MYO1E: variants seen among roughly 807,000 people sequenced by gnomAD.
MYO1E encodes the protein myosin IE.
Under a neutral mutation model 151.1 loss-of-function variants are expected in MYO1E, and 68 were observed. The observed-to-expected ratio is 0.45, with a 90% CI of 0.37 to 0.55. MYO1E has a LOEUF of 0.55. MYO1E is among the 20% of genes least tolerant of loss of function. The pLI is 0.00. For missense variants in MYO1E, 1,363 were observed against 1,389.3 expected (o/e 0.98, Z 0.30); for synonymous variants, 601 against 501.7 (o/e 1.20, Z -2.64).
chr15:59,356,525 G>A (rs983775048), intron 1 of MYO1E, among the ~76,000 whole-genome samples: 1 of 152,130 alleles, frequency 6.6e-6, no homozygotes, highest in South Asian at 2.1e-4. Context: ...AAAGACCTGG[G>A]GGTAGTTTTA....
chr15:59,275,230 C>A (rs963026831), intron 1 of MYO1E, among the ~76,000 whole-genome samples: 2 of 152,224 alleles, frequency 1.3e-5, no homozygotes, highest in Non-Finnish European at 2.9e-5. Context: ...AATGGAATGA[C>A]AGACTGTCTC....
intron 1 of MYO1E, among the ~76,000 whole-genome samples, chr15:59,356,349 G>A (rs866883075): frequency 2.6e-5 from 4 of 152,250 alleles, no homozygotes; most frequent in Admixed American, 1.3e-4. Context: ...AGGTTCCAAC[G>A]AAAATGAAAG....
At chr15:59,253,961 G>A (rs2080180089) in intron 4 of MYO1E, among the ~76,000 whole-genome samples, 1 of 137,638 alleles carries the variant, frequency 7.3e-6, no homozygotes, top group South Asian at 2.3e-4. Flanking sequence ...AATTGTTAAA[G>A]ACCGAGACAC....
intron 1 of MYO1E, among the ~76,000 whole-genome samples, chr15:59,312,838 T>G (rs539060601): frequency 6.6e-6 from 1 of 151,604 alleles, no homozygotes; most frequent in East Asian, 2.0e-4. Context: ...GCTAACACAA[T>G]GAAACCCCGA....
At chr15:59,320,407 A>G (rs74979951) in intron 1 of MYO1E, among the ~76,000 whole-genome samples, 3,698 of 152,264 alleles carry the variant, frequency 0.024, 88 homozygotes, top group African/African-American at 0.066. Context: ...CATCACATTA[A>G]CTGACTTTAA....
At chr15:59,143,538 C>A (rs571778488) in intron 26 of MYO1E, among the ~76,000 whole-genome samples, 25 of 152,280 alleles carry the variant, frequency 1.6e-4, no homozygotes, top group Non-Finnish European at 3.2e-4. Context: ...CATGTCTACA[C>A]CCTTCTTGTG....
In MYO1E at chr15:59,207,112, A is replaced by C. The variant is rs765051144; in HGVS notation, c.1530+1569T>G. The C allele has an allele frequency of 3.1e-6, 5 of 1,614,072 alleles. No homozygotes were observed. The African/African-American group carries it at 6.7e-5, about 22-fold the overall frequency. ...GATGGCGACTGTGAAGAGTGAGCTT[A>C]TTGAGCGTTTCACTTCCGAGAAGCC... is the stretch of plus-strand genomic sequence containing the variant. On this transcript the variant is annotated intron_variant, in intron 14 of 27. Transcript: ENST00000288235.
At chr15:59,234,918 C>G (rs1312143174) in intron 5 of MYO1E, among the ~76,000 whole-genome samples, 1 of 151,050 alleles carries the variant, frequency 6.6e-6, no homozygotes, top group Non-Finnish European at 1.5e-5. Flanking sequence ...TTACATAATT[C>G]TGATTTAAAA....
chr15:59,332,943 T>C (rs2080706760), intron 1 of MYO1E, among the ~76,000 whole-genome samples: 1 of 152,180 alleles, frequency 6.6e-6, no homozygotes, highest in Non-Finnish European at 1.5e-5. Context: ...TCCTACTGTG[T>C]AGACAAACCT....
intron 10 of MYO1E, among the ~76,000 whole-genome samples, chr15:59,217,392 G>C (rs191139293): frequency 6.6e-6 from 1 of 151,804 alleles, no homozygotes; most frequent in South Asian, 2.1e-4. Flanking sequence ...TTTAGCTAAG[G>C]TATCTTGGTG....
intron 1 of MYO1E, among the ~76,000 whole-genome samples, chr15:59,342,873 TAAAC>T (rs1255512170): frequency 6.6e-6 from 1 of 152,178 alleles, no homozygotes; most frequent in Non-Finnish European, 1.5e-5. Context: ...ATCGATTGCA[TAAAC>T]AAAAAGCAAA....
intron 1 of MYO1E, among the ~76,000 whole-genome samples, chr15:59,325,297 A>C (rs1014779189): frequency 6.6e-6 from 1 of 152,202 alleles, no homozygotes; most frequent in African/African-American, 2.4e-5. Flanking sequence ...GGCCTCCCAA[A>C]GTGCTGTGAT....
chr15:59,150,101 C>T (rs1390538232), intron 26 of MYO1E, among the ~76,000 whole-genome samples: 1 of 152,096 alleles, frequency 6.6e-6, no homozygotes, highest in Non-Finnish European at 1.5e-5. Context: ...AGCCTTTTGC[C>T]CAAGGTACTA....
rs756442259 is a variant in MYO1E, at chr15:59,220,394, AGCCGAGATAGC to A, written c.911-2318_911-2308del. ...AACCCAGGAGGTGGAGGTTGCAGTG[AGCCGAGATAGC>A]GCCACTGCGCTCCAGCCTGGGTGAC... On this transcript the variant is annotated intron_variant, in intron 9 of 27. Coordinates refer to ENST00000288235, the MANE Select transcript of MYO1E (RefSeq NM_004998.4). Among the ~76,000 whole-genome samples, 10 of 152,242 alleles carry A rather than the reference AGCCGAGATAGC, an allele frequency of 6.6e-5. No homozygotes were observed. The East Asian group carries it at 1.3e-3, about 20-fold the overall frequency.
At chr15:59,328,565 A>G (rs1403386635) in intron 1 of MYO1E, among the ~76,000 whole-genome samples, 1 of 152,180 alleles carries the variant, frequency 6.6e-6, no homozygotes, top group Non-Finnish European at 1.5e-5. Flanking sequence ...TACTATACTT[A>G]GTATTTTATA....
At chr15:59,320,769 A>G (rs1314831618) in intron 1 of MYO1E, among the ~76,000 whole-genome samples, 2 of 152,156 alleles carry the variant, frequency 1.3e-5, no homozygotes, top group Admixed American at 6.5e-5. Flanking sequence ...CTGGATATCA[A>G]TCTTGGAAAA....
chr15:59,329,018 G>A (rs759145732), intron 1 of MYO1E, among the ~76,000 whole-genome samples: 1 of 152,194 alleles, frequency 6.6e-6, no homozygotes, highest in African/African-American at 2.4e-5. Flanking sequence ...GCTGCTTCAC[G>A]AAGATGACTG....
intron 26 of MYO1E, among the ~76,000 whole-genome samples, chr15:59,143,280 G>T (rs552923041): frequency 1.3e-5 from 2 of 152,180 alleles, no homozygotes; most frequent in Non-Finnish European, 2.9e-5. Context: ...GGTGAGAGGT[G>T]GGGGAGGCCA....
At chr15:59,141,795 C>T (rs1226515545) in intron 26 of MYO1E, among the ~76,000 whole-genome samples, 3 of 96,912 alleles carry the variant, frequency 3.1e-5, no homozygotes, top group African/African-American at 4.6e-5. Flanking sequence ...AAGACTTTGT[C>T]TCAAAAAAAA....
Sources: gnomAD v4.1 joint callset for allele counts (sites outside exome capture counted in the v4.1 genomes callset) on GRCh38, gnomAD v4.1.1 for gene constraint, MANE v1.5 for transcripts, NCBI Gene and HGNC (gene_info 2026-07-23, HGNC 2026-07-21) for gene names.